Variants in TRRAP observed in about 807,000 individuals in gnomAD.
TRRAP encodes the protein transformation/transcription domain associated protein.
TRRAP carries 41 observed loss-of-function variants against 438.8 expected under a neutral mutation model. The observed-to-expected ratio is 0.09, with a 90% CI of 0.07 to 0.12. TRRAP has a LOEUF of 0.12. TRRAP is among the 10% of genes least tolerant of loss of function. TRRAP has a pLI of 1.00. For synonymous variants in TRRAP, 1,994 were observed against 1,962.9 expected (o/e 1.02, Z -0.42); for missense variants, 3,122 against 5,055.1 (o/e 0.62, Z 11.60).
intron 64 of TRRAP, among the ~76,000 whole-genome samples, chr7:98,991,110 C>T (rs999065621): frequency 5.7e-4 from 86 of 152,140 alleles, no homozygotes; most frequent in Admixed American, 5.2e-3. Flanking sequence ...GGGGCCAGGC[C>T]GGGGAAGCGG....
At chr7:98,969,165 A>C in intron 51 of TRRAP, among the ~76,000 whole-genome samples, 1 of 152,206 alleles carries the variant, frequency 6.6e-6, no homozygotes, top group East Asian at 1.9e-4. Flanking sequence ...TCGTTACAAA[A>C]TTATTCTTAA....
intron 67 of TRRAP, chr7:98,999,411 C>A: frequency 8.7e-7 from 1 of 1,147,246 alleles, no homozygotes. Flanking sequence ...TACATGAGAT[C>A]CAGCAGCTCC....
intron 66 of TRRAP, 109 bp downstream of exon 66, chr7:98,993,846 T>A: frequency 8.8e-7 from 1 of 1,133,598 alleles, no homozygotes; most frequent in Non-Finnish European, 1.3e-6. Flanking sequence ...TCCTTTTATA[T>A]ATTTGTTGTT....
chr7:98,983,991 T>C, intron 60 of TRRAP, 102 bp from the exon 61 acceptor site: 1 of 1,398,886 alleles, frequency 7.1e-7, no homozygotes, highest in Non-Finnish European at 9.5e-7. Context: ...CCCATTTTCA[T>C]AAGCCATGTG....
At chr7:98,983,239 G>T (rs780541594) in intron 59 of TRRAP, 25 bp from the exon 60 acceptor site, 10 of 1,580,772 alleles carry the variant, frequency 6.3e-6, no homozygotes, top group South Asian at 2.3e-5. Flanking sequence ...ATTTACCGCA[G>T]AGTCTCTTAT....
In TRRAP at chr7:98,890,718, A is replaced by G. The variant is rs1422543685; in HGVS notation, c.261+273A>G. On this transcript the variant is annotated intron_variant, in intron 4 of 72. Transcript: ENST00000456197. The stretch of plus-strand genomic sequence containing the variant: ...GACCAGTGCAAATGTATACAGAAGA[A>G]GGAATGACTACCCCCCATACCTATT... Among the ~76,000 whole-genome samples the G allele has an allele frequency of 5.9e-5, 9 of 151,874 alleles. No individual in the cohort carries two copies. In the East Asian group the frequency reaches 1.7e-3, roughly 29 times the overall value.
At chr7:98,941,163 T>C (rs984443395) in intron 30 of TRRAP, among the ~76,000 whole-genome samples, 4 of 152,144 alleles carry the variant, frequency 2.6e-5, no homozygotes, top group Admixed American at 6.5e-5. Flanking sequence ...ATTAAGTCTT[T>C]TATGTGGTTC....
intron 59 of TRRAP, among the ~76,000 whole-genome samples, 165 bp from the exon 60 acceptor site, chr7:98,983,094 TAAATG>T (rs1436082813): frequency 1.3e-5 from 2 of 152,206 alleles, no homozygotes; most frequent in African/African-American, 4.8e-5. Flanking sequence ...GGGTGAACAG[TAAATG>T]AAATGTGGGA....
rs1485930931 is a variant in TRRAP at position 98,894,419 on chromosome 7, C to G, written c.450+538C>G. ...TACATTTACCATAATTATATCTTCT[C>G]TGGTGATAACCTAAATAAGTGCCTG... On this transcript the variant is annotated intron_variant, in intron 6 of 72. Coordinates refer to ENST00000456197, the MANE Select transcript of TRRAP (RefSeq NM_001375524.1). Among the ~76,000 whole-genome samples the G allele has an allele frequency of 2.6e-5, 4 of 152,106 alleles. No individual in the cohort carries two copies. In the East Asian group the frequency reaches 7.7e-4, roughly 29 times the overall value.
At position 98,897,810 on chromosome 7, in the gene TRRAP, A is replaced by C; in HGVS notation, c.577A>C (p.Ile193Leu). 1 of 1,614,052 alleles carries C rather than the reference A, an allele frequency of 6.2e-7. No individual in the cohort carries two copies. The highest frequency in any genetic ancestry group is 8.5e-7 in the Non-Finnish European group (1 of 1,180,004). The change falls in exon 8 of 73, where the codon ATA becomes CTA. Residue 193 changes from isoleucine to leucine, a missense_variant. By Grantham distance (5) the Ile-to-Leu change is conservative. This residue lies in a region of TRRAP where 343 missense variants were observed against 564.0 expected (regional missense o/e 0.61). Transcript: ENST00000456197. ...GCCTCCCCCAGAAATGGTTGGTATGATAACAACGATTGCTGTGAAAGTCAA... is the reference window on the plus strand; with the variant it reads ...GCCTCCCCCAGAAATGGTTGGTATGCTAACAACGATTGCTGTGAAAGTCAA... ...TVPPPEMVGM[I>L]TTIAVKVNPE... is the part of the protein sequence containing the mutation.
At chr7:98,880,998 T>G (rs1795402932) in intron 1 of TRRAP, 92 bp from the exon 2 acceptor site, 2 of 477,450 alleles carry the variant, frequency 4.2e-6, no homozygotes, top group Non-Finnish European at 7.3e-6. Context: ...GATGAAAGCG[T>G]ATCGATTATG....
At chr7:98,931,090 T>G (rs1168353428) in intron 25 of TRRAP, among the ~76,000 whole-genome samples, 1 of 152,238 alleles carries the variant, frequency 6.6e-6, no homozygotes, top group Non-Finnish European at 1.5e-5. Context: ...AAAGGGGAAT[T>G]CTGCTTCTCA....
At chr7:98,943,207 C>T (rs1273115533) in intron 31 of TRRAP, among the ~76,000 whole-genome samples, 190 bp downstream of exon 31, 3 of 152,188 alleles carry the variant, frequency 2.0e-5, no homozygotes, top group Non-Finnish European at 4.4e-5. Flanking sequence ...GCTAAACATT[C>T]CTTTTTATGT....
chr7:98,980,556 G>A lies in TRRAP; in HGVS notation c.8635-1213G>A, dbSNP rs997958270. ...CATGGTCTCCACCTGGCTGAGGAGC[G>A]GTTGGCCCAGGCTCATCGGCTGCTC... is the stretch of plus-strand genomic sequence containing the variant. On this transcript the variant is annotated intron_variant, in intron 58 of 72. Transcript: ENST00000456197. 3.9e-5 allele frequency among the ~76,000 whole-genome samples: 6 copies of A among 152,286 alleles called. No homozygotes were observed. In the East Asian group the frequency reaches 5.8e-4, roughly 15 times the overall value.
At chr7:98,990,397 T>A (rs1793380094) in intron 63 of TRRAP, 58 bp from the exon 64 acceptor site, 1 of 1,585,820 alleles carries the variant, frequency 6.3e-7, no homozygotes, top group African/African-American at 1.3e-5. Flanking sequence ...GGAAAAAGTC[T>A]CTTGCTTGAG....
In TRRAP at chr7:99,011,299, C is replaced by T; in HGVS notation, c.11143-42C>T. On this transcript the variant is annotated intron_variant, in intron 71 of 72. Transcript: ENST00000456197. This position sits in a 1 kb window ranked among gnomAD's most constrained non-coding sequence, Gnocchi z 7.1. ...CCAGATCCTCTCCTCGTGACATCGC[C>T]TTTCTGCTGAAGTTCCTAAAGTGTC... The T allele has an allele frequency of 6.2e-7, 1 of 1,612,812 alleles. No homozygotes were observed. The highest frequency in any genetic ancestry group is 8.5e-7 in the Non-Finnish European group (1 of 1,178,784).
chr7:98,992,886 C>T (rs140932695), intron 65 of TRRAP, among the ~76,000 whole-genome samples: 7 of 152,144 alleles, frequency 4.6e-5, no homozygotes, highest in Non-Finnish European at 8.8e-5. Context: ...CAGCTCTAAC[C>T]TCTGGGGAGT....
intron 6 of TRRAP, among the ~76,000 whole-genome samples, chr7:98,894,343 A>G: frequency 6.6e-6 from 1 of 152,212 alleles, no homozygotes; most frequent in South Asian, 2.1e-4. Context: ...CATAAAGTTT[A>G]AAGTTATTAG....
intron 61 of TRRAP, 114 bp from the exon 62 acceptor site, chr7:98,984,830 A>G: frequency 3.4e-6 from 2 of 589,114 alleles, no homozygotes; most frequent in Non-Finnish European, 5.9e-6. Flanking sequence ...TTGTCAATTT[A>G]AAGTACATTG....
Sources: allele counts gnomAD v4.1 joint callset (sites outside exome capture counted in the v4.1 genomes callset), GRCh38; gene constraint gnomAD v4.1.1; regional missense constraint gnomAD v4.1.1; non-coding constraint Gnocchi (gnomAD v3.1); transcripts MANE v1.5; gene names NCBI Gene and HGNC (gene_info 2026-07-23, HGNC 2026-07-21).